PDLIM5: variants seen among roughly 807,000 people sequenced by gnomAD.
PDLIM5 encodes PDZ and LIM domain protein 5.
PDLIM5 carries 34 observed loss-of-function variants against 64.2 expected under a neutral mutation model. The observed-to-expected ratio is 0.53, with a 90% confidence interval of 0.40 to 0.71. The LOEUF (loss-of-function observed/expected upper bound fraction) is 0.71, where lower values mean the gene tolerates loss of function less well. Ranked by LOEUF, PDLIM5 falls within the 30% of genes least tolerant of loss-of-function variation. PDLIM5 has a pLI of 0.00. For synonymous variants in PDLIM5, 253 were observed against 269.1 expected, an observed-to-expected ratio of 0.94 and a Z score of 0.59; for missense variants, 683 against 733.6, an observed-to-expected ratio of 0.93 and a Z score of 0.80.
At chr4:94,566,940 T>C (rs1734374402) in intron 3 of PDLIM5, among the ~76,000 whole-genome samples, 1 of 152,256 alleles carries the variant, frequency 6.6e-6, no homozygotes, top group South Asian at 2.1e-4. Flanking sequence ...GGTTCTGTTA[T>C]TGATGCTTAT....
intron 5 of PDLIM5, chr4:94,582,546 G>A: frequency 1.9e-6 from 1 of 538,606 alleles, no homozygotes; most frequent in Non-Finnish European, 3.3e-6. Context: ...TTATTTTGAA[G>A]CATGATGTTT....
chr4:94,581,751 C>A (rs1036600240), intron 5 of PDLIM5, among the ~76,000 whole-genome samples: 3 of 152,140 alleles, frequency 2.0e-5, no homozygotes, highest in Non-Finnish European at 4.4e-5. Context: ...TGTTCTTTGG[C>A]AAACTATACA....
intron 1 of PDLIM5, among the ~76,000 whole-genome samples, chr4:94,454,495 G>A (rs1723149254): frequency 1.3e-5 from 2 of 152,126 alleles, no homozygotes; most frequent in South Asian, 4.1e-4. Flanking sequence ...GCTGTATTTA[G>A]TCATAATCTT....
chr4:94,508,258 C>T (rs1368235270), intron 2 of PDLIM5, among the ~76,000 whole-genome samples: 1 of 152,156 alleles, frequency 6.6e-6, no homozygotes, highest in Non-Finnish European at 1.5e-5. Context: ...TAGAAGTGAT[C>T]TACTAACATT....
intron 8 of PDLIM5, among the ~76,000 whole-genome samples, chr4:94,636,805 G>T (rs1048455314): frequency 2.6e-5 from 4 of 152,112 alleles, no homozygotes; most frequent in Non-Finnish European, 5.9e-5. Flanking sequence ...AAAGTGCTGG[G>T]ATTACAGGCG....
chr4:94,575,599 A>G lies in PDLIM5; in HGVS notation c.292-17A>G, dbSNP rs534356468. On this transcript the variant is annotated splice_polypyrimidine_tract_variant and intron_variant, in intron 4 of 12. Transcript: ENST00000317968. ...GTTTGGTGTGGTTTTGTGTATGTTT[A>G]TTTTTGTTTTACATAGGGAGAACCT... The G allele has an allele frequency of 1.3e-6, 2 of 1,503,680 alleles. No individual in the cohort carries two copies. Among genetic ancestry groups the G allele is most frequent in the African/African-American group, 1.4e-5 (1 of 71,886 alleles). 93.1% of individuals were successfully genotyped at this position (1,503,680 alleles called of 1,614,324 possible). A position where few individuals can be genotyped will look rare whatever the true frequency, so the allele number is the denominator to read the frequency against.
chr4:94,557,528 C>G, intron 3 of PDLIM5, among the ~76,000 whole-genome samples: 1 of 152,156 alleles, frequency 6.6e-6, no homozygotes, highest in Non-Finnish European at 1.5e-5. Flanking sequence ...TTGATTCTTC[C>G]TATCCATGAG....
chr4:94,516,544 G>T (rs191589400), intron 2 of PDLIM5, among the ~76,000 whole-genome samples: 65 of 151,702 alleles, frequency 4.3e-4, no homozygotes, highest in Non-Finnish European at 5.7e-4. Context: ...TTTTTAGTTG[G>T]TATGAGGTCT....
intron 7 of PDLIM5, among the ~76,000 whole-genome samples, chr4:94,590,209 T>C (rs891507547): frequency 1.3e-5 from 2 of 152,264 alleles, no homozygotes; most frequent in Non-Finnish European, 2.9e-5. Context: ...TTGTGCCCTT[T>C]AGGAAGGCTC....
At chr4:94,503,217 C>G (rs1728089148) in intron 2 of PDLIM5, among the ~76,000 whole-genome samples, 1 of 152,152 alleles carries the variant, frequency 6.6e-6, no homozygotes, top group African/African-American at 2.4e-5. Flanking sequence ...AAGCAAATTA[C>G]TTTATATAGT....
intron 3 of PDLIM5, among the ~76,000 whole-genome samples, chr4:94,531,613 C>G (rs1465857885): frequency 6.6e-6 from 1 of 152,122 alleles, no homozygotes; most frequent in Non-Finnish European, 1.5e-5. Context: ...CCACATGCAG[C>G]CTGTGGGCCG....
At chr4:94,493,968 T>A (rs1009039789) in intron 2 of PDLIM5, among the ~76,000 whole-genome samples, 1 of 152,168 alleles carries the variant, frequency 6.6e-6, no homozygotes, top group Non-Finnish European at 1.5e-5. Flanking sequence ...AAGCCTTTTT[T>A]ATTTTTCTCC....
chr4:94,624,019 A>G (rs1455652494), intron 8 of PDLIM5, among the ~76,000 whole-genome samples: 2 of 151,960 alleles, frequency 1.3e-5, no homozygotes, highest in Non-Finnish European at 2.9e-5. Context: ...TTTTTTCTCA[A>G]AAGTATGAGG....
rs528080882 is a variant in PDLIM5 at position 94,627,513 on chromosome 4, T to C, written c.1108+9322T>C. Reference sequence around the variant, plus strand: ...CATAAAGAATTGTTCTATTAATTGATGCATATGGTTTAAACCAAAGTTTGG... The same window carrying C: ...CATAAAGAATTGTTCTATTAATTGACGCATATGGTTTAAACCAAAGTTTGG... On this transcript the variant is annotated intron_variant, in intron 8 of 12. Coordinates refer to ENST00000317968, the MANE Select transcript of PDLIM5 (RefSeq NM_006457.5). Among the ~76,000 whole-genome samples the C allele has an allele frequency of 9.2e-5, 14 of 152,334 alleles. No individual in the cohort carries two copies. In the East Asian group the frequency reaches 2.5e-3, roughly 27 times the overall value.
chr4:94,607,994 A>G lies in PDLIM5; in HGVS notation c.921-10010A>G, dbSNP rs981760601. 2.6e-6 allele frequency: 3 copies of G among 1,174,746 alleles called. No individual in the cohort carries two copies. The African/African-American group carries it at 4.6e-5, about 18-fold the overall frequency. The allele number at this position is 1,174,746 out of a possible 1,614,324, so 72.8% of individuals were successfully genotyped here. ...ACATTTAAAAGATGGTATAGATGAT[A>G]AATGTCTTTTGTACTTTTCATTAAT... On this transcript the variant is annotated intron_variant, in intron 7 of 12. Transcript: ENST00000317968.
chr4:94,639,074 G>A (rs1421140578), intron 8 of PDLIM5, among the ~76,000 whole-genome samples: 2 of 152,078 alleles, frequency 1.3e-5, no homozygotes, highest in African/African-American at 4.8e-5. Context: ...TCGACTTCTG[G>A]GCTGAGACTT....
intron 8 of PDLIM5, among the ~76,000 whole-genome samples, chr4:94,633,720 A>G (rs1164734094): frequency 6.6e-6 from 1 of 152,172 alleles, no homozygotes; most frequent in African/African-American, 2.4e-5. Flanking sequence ...CCTGACCTCA[A>G]GGTAGGAGAA....
chr4:94,622,966 G>A (rs1402726301), intron 8 of PDLIM5, among the ~76,000 whole-genome samples: 5 of 152,078 alleles, frequency 3.3e-5, no homozygotes, highest in African/African-American at 1.2e-4. Context: ...ACCACGCCCG[G>A]CCTCCATTTC....
At chr4:94,556,418 C>T (rs896677571) in intron 3 of PDLIM5, among the ~76,000 whole-genome samples, 2 of 152,114 alleles carry the variant, frequency 1.3e-5, no homozygotes, top group African/African-American at 4.8e-5. Flanking sequence ...TGGTTATATA[C>T]CCAGTAATGG....
Sources: gnomAD v4.1 joint callset for allele counts (sites outside exome capture counted in the v4.1 genomes callset) on GRCh38, gnomAD v4.1.1 for gene constraint, MANE v1.5 for transcripts, NCBI Gene and HGNC (gene_info 2026-07-23, HGNC 2026-07-21) for gene names.